The following SCOC variants were observed in gnomAD, a reference collection of about 807,000 sequenced individuals.
SCOC encodes the protein short coiled coil protein.
Under a neutral mutation model 9.9 loss-of-function variants are expected in SCOC, and 7 were observed. The ratio of observed to expected loss-of-function variants is 0.71; its 90% CI spans 0.40 to 1.33. The LOEUF (loss-of-function observed/expected upper bound fraction) is 1.33. SCOC is among the 40% of genes most tolerant of loss of function. SCOC has a pLI of 0.01. For synonymous variants in SCOC, 19 were observed against 28.2 expected, an observed-to-expected ratio of 0.67 and a Z score of 1.03; for missense variants, 66 against 89.7, an observed-to-expected ratio of 0.74 and a Z score of 1.07.
At chr4:140,336,979 C>T (rs995177415) in intron 1 of SCOC, among the ~76,000 whole-genome samples, 1 of 152,126 alleles carries the variant, frequency 6.6e-6, no homozygotes, top group Non-Finnish European at 1.5e-5. Flanking sequence ...TTTGCATTTC[C>T]TTCATTACCA....
intron 2 of SCOC, among the ~76,000 whole-genome samples, chr4:140,353,220 G>T (rs1727053418): frequency 6.6e-6 from 1 of 152,108 alleles, no homozygotes; most frequent in Non-Finnish European, 1.5e-5. Context: ...GGACAAACCA[G>T]ATGAATCAGC....
At chr4:140,379,011 CA>C in intron 1 of SCOC, 109 bp from the exon 2 acceptor site, 1 of 696,176 alleles carries the variant, frequency 1.4e-6, no homozygotes. Flanking sequence ...CTTAGTAAAG[CA>C]TATGAAAAGT....
intron 2 of SCOC, among the ~76,000 whole-genome samples, chr4:140,359,346 C>A (rs1318032668): frequency 1.3e-5 from 2 of 151,824 alleles, no homozygotes; most frequent in Non-Finnish European, 2.9e-5. Context: ...ATGGTCTCTT[C>A]AGTATAGTGG....
At chr4:140,366,935 G>C (rs1727827385) in intron 2 of SCOC, 1 of 546,352 alleles carries the variant, frequency 1.8e-6, no homozygotes, top group Non-Finnish European at 3.3e-6. Context: ...ACCAGGCGTG[G>C]TGGCTCACGC....
chr4:140,284,856 GA>G (rs2126421303), intron 1 of SCOC: 1 of 172,212 alleles, frequency 5.8e-6, no homozygotes, highest in African/African-American at 2.4e-5. Context: ...CTGAATAATG[GA>G]AATATTTTTA....
chr4:140,373,860 G>C, intron 1 of SCOC, 143 bp downstream of exon 1: 1 of 911,706 alleles, frequency 1.1e-6, no homozygotes, highest in South Asian at 1.4e-5. Flanking sequence ...TCGGGCCTGG[G>C]CATTTGGTGG....
upstream of SCOC, chr4:140,373,287 C>T (rs997531989): frequency 2.1e-5 from 28 of 1,353,038 alleles, no homozygotes; most frequent in Non-Finnish European, 2.6e-5. Context: ...ACTTCTCTGT[C>T]GCTCATACCA....
intron 1 of SCOC, among the ~76,000 whole-genome samples, chr4:140,289,981 T>C (rs1306349613): frequency 6.6e-6 from 1 of 152,260 alleles, no homozygotes; most frequent in Non-Finnish European, 1.5e-5. Context: ...TAATGCTATA[T>C]GTCCATTGAC....
intron 2 of SCOC, among the ~76,000 whole-genome samples, chr4:140,357,484 C>T (rs1578852817): frequency 6.6e-6 from 1 of 152,168 alleles, no homozygotes; most frequent in Non-Finnish European, 1.5e-5. Context: ...CTGTCAGTTC[C>T]GTGTATCTGA....
chr4:140,282,578 A>C (rs1354214052), intron 1 of SCOC, among the ~76,000 whole-genome samples: 8 of 152,218 alleles, frequency 5.3e-5, no homozygotes, highest in African/African-American at 1.9e-4. Context: ...TGCACAGAGA[A>C]AGAGAATACG....
intron 1 of SCOC, among the ~76,000 whole-genome samples, chr4:140,304,259 GT>G (rs1223979352): frequency 6.6e-6 from 1 of 152,180 alleles, no homozygotes; most frequent in Non-Finnish European, 1.5e-5. Flanking sequence ...CAAAAACAGG[GT>G]TTTGTTGTTG....
intron 2 of SCOC, among the ~76,000 whole-genome samples, chr4:140,359,013 T>C (rs1156763206): frequency 2.0e-5 from 3 of 152,252 alleles, no homozygotes; most frequent in Non-Finnish European, 2.9e-5. Flanking sequence ...ATTCAGTGTT[T>C]GTTACAGAAT....
At chr4:140,338,524 T>C (rs897927160), upstream of SCOC, among the ~76,000 whole-genome samples, 7 of 152,202 alleles carry the variant, frequency 4.6e-5, no homozygotes, top group South Asian at 4.1e-4. Context: ...TGTTTGCAGA[T>C]GACATGATTG....
chr4:140,265,060 A>G (rs1730705421), intron 1 of SCOC, among the ~76,000 whole-genome samples: 1 of 152,310 alleles, frequency 6.6e-6, no homozygotes. Flanking sequence ...ATTATAAATA[A>G]TGTTGTGTCT....
At chr4:140,330,330 G>A (rs536928002) in intron 1 of SCOC, among the ~76,000 whole-genome samples, 12 of 152,080 alleles carry the variant, frequency 7.9e-5, no homozygotes, top group South Asian at 2.1e-4. Flanking sequence ...GTACACGGCT[G>A]GGGTGCTGGG....
chr4:140,288,589 C>T (rs543073044), intron 1 of SCOC, among the ~76,000 whole-genome samples: 1 of 152,036 alleles, frequency 6.6e-6, no homozygotes, highest in South Asian at 2.1e-4. Flanking sequence ...ATACCACTCA[C>T]ATATCACACA....
At chr4:140,341,099 CT>C (rs199650421), upstream of SCOC, among the ~76,000 whole-genome samples, 228 of 152,098 alleles carry the variant, frequency 1.5e-3, 1 homozygote, top group East Asian at 0.038. Flanking sequence ...AGTTTTCTTT[CT>C]TTTCATTCCC....
At chr4:140,343,655 A>G (rs1726590950) in exon 2 of SCOC, 1 of 1,613,788 alleles carries the variant, frequency 6.2e-7, no homozygotes, top group Non-Finnish European at 8.5e-7. Context: ...GGGTCCAGGA[A>G]AGAGGAGGAG....
At chr4:140,279,908 T>G (rs1731061736) in intron 1 of SCOC, among the ~76,000 whole-genome samples, 2 of 152,226 alleles carry the variant, frequency 1.3e-5, no homozygotes. Flanking sequence ...ATATGTGGCT[T>G]CTCTCAAGGG....
Sources: gnomAD v4.1 joint callset for allele counts (sites outside exome capture counted in the v4.1 genomes callset) on GRCh38, gnomAD v4.1.1 for gene constraint, MANE v1.5 for transcripts, NCBI Gene and HGNC (gene_info 2026-07-23, HGNC 2026-07-21) for gene names.